TMEM196: variants seen among roughly 807,000 people sequenced by gnomAD.
The protein encoded by TMEM196 is transmembrane protein 196.
TMEM196 carries 17 observed loss-of-function variants against 20.0 expected under a neutral mutation model. The observed-to-expected ratio is 0.85, with a 90% CI of 0.58 to 1.27. The LOEUF is 1.27. TMEM196 is among the 50% of genes most tolerant of loss of function. TMEM196 has a pLI of 0.00. For synonymous variants in TMEM196, 113 were observed against 88.9 expected (o/e 1.27, Z -1.52); for missense variants, 267 against 223.0 (o/e 1.20, Z -1.26).
At chr7:19,727,666 G>T (rs1255885155) in intron 2 of TMEM196, among the ~76,000 whole-genome samples, 1 of 152,096 alleles carries the variant, frequency 6.6e-6, no homozygotes, top group Admixed American at 6.5e-5. Context: ...AATACGGAAA[G>T]ATATTAAAAT....
chr7:19,772,519 T>C, intron 1 of TMEM196, 31 bp downstream of exon 1: 2 of 1,508,258 alleles, frequency 1.3e-6, no homozygotes, highest in Admixed American at 2.2e-5. Flanking sequence ...GAGAGTGAAA[T>C]GGCTCAACGT....
Position 19,746,167 on chromosome 7 carries a change from T to C in TMEM196, c.148-16729A>G, listed in dbSNP as rs73274067. 3.2e-3 allele frequency among the ~76,000 whole-genome samples: 485 copies of C among 152,298 alleles called. 3 individuals carry two copies. The highest frequency in any genetic ancestry group is 0.011 in the African/African-American group (474 of 41,554). ...CTCCAAGAACAATGGAAAGGAGTTA[T>C]ATAGAGGAAGACTTTAACCGATCAT... On this transcript the variant is annotated intron_variant, in intron 1 of 4. Coordinates refer to ENST00000405844, the MANE Select transcript of TMEM196 (RefSeq NM_001363562.2).
chr7:19,736,933 A>C (rs2128020950), intron 1 of TMEM196, among the ~76,000 whole-genome samples: 1 of 152,060 alleles, frequency 6.6e-6, no homozygotes. Context: ...AATTTTTTTC[A>C]AACTTTCTGT....
chr7:19,769,201 G>A (rs745747002), intron 1 of TMEM196, among the ~76,000 whole-genome samples: 6 of 151,910 alleles, frequency 3.9e-5, no homozygotes, highest in Non-Finnish European at 5.9e-5. Flanking sequence ...ATCTTATTTG[G>A]CATTTATAAA....
At chr7:19,746,377 G>C (rs142423815) in intron 1 of TMEM196, among the ~76,000 whole-genome samples, 156 of 152,274 alleles carry the variant, frequency 1.0e-3, no homozygotes, top group African/African-American at 3.5e-3. Flanking sequence ...GAAATATACC[G>C]ACTCTCTTTT....
chr7:19,771,140 C>A (rs1381031002), intron 1 of TMEM196, among the ~76,000 whole-genome samples: 2 of 152,120 alleles, frequency 1.3e-5, no homozygotes, highest in Non-Finnish European at 2.9e-5. Flanking sequence ...TACAACTCTC[C>A]AAATAATTAC....
In TMEM196 at chr7:19,725,775, A is replaced by G; in HGVS notation, c.205-7T>C. 1.3e-6 allele frequency: 2 copies of G among 1,582,000 alleles called. No homozygotes were observed. Among genetic ancestry groups the G allele is most frequent in the Non-Finnish European group, 1.7e-6 (2 of 1,159,354 alleles). ...AGGCTGAAAAGAGGATCATCTGATA[A>G]GAAAAAGAAAGGCAGCGTTAAAGTT... On this transcript the variant is annotated splice_region_variant and splice_polypyrimidine_tract_variant and intron_variant, in intron 2 of 4. Transcript: ENST00000405844.
In TMEM196 at chr7:19,725,642, C is replaced by T. The variant is rs772343564; in HGVS notation, c.331G>A (p.Ala111Thr). 12 of 1,613,926 alleles carry T rather than the reference C, an allele frequency of 7.4e-6. No homozygotes were observed. The highest frequency in any genetic ancestry group is 5.0e-5 in the Admixed American group (3 of 59,982). The change falls in exon 3 of 5, where the codon GCG becomes ACG. Residue 111 changes from alanine (A) to threonine (T), a missense_variant. Ala to Thr is a moderately conservative substitution (Grantham distance 58). Transcript: ENST00000405844. ...GTGCAGCCCCCGATCCCAATGCACG[C>T]GAGAGACATGGAGGCAAGGTGCAGT... ...YPLHLASMSLACIGIGGCTLS... is the reference protein window; with the variant it reads ...YPLHLASMSLTCIGIGGCTLS...
At chr7:19,769,014 G>GTC (rs983145805) in intron 1 of TMEM196, among the ~76,000 whole-genome samples, 3 of 152,030 alleles carry the variant, frequency 2.0e-5, no homozygotes, top group Non-Finnish European at 4.4e-5. Flanking sequence ...TGATTTTAGG[G>GTC]TCTCTCTATA....
intron 1 of TMEM196, among the ~76,000 whole-genome samples, chr7:19,730,864 T>C (rs1226460954): frequency 6.6e-6 from 1 of 152,186 alleles, no homozygotes; most frequent in Admixed American, 6.5e-5. Context: ...AAGAATTTGG[T>C]ATATAATTTA....
intron 1 of TMEM196, among the ~76,000 whole-genome samples, chr7:19,755,832 C>A (rs914071364): frequency 6.6e-6 from 1 of 152,102 alleles, no homozygotes; most frequent in Non-Finnish European, 1.5e-5. Flanking sequence ...AGTTTGAGAC[C>A]AGCCTGGCCC....
In TMEM196 at chr7:19,721,045, A is replaced by G. The variant is rs914102128; in HGVS notation, c.*1083T>C. On this transcript the variant is annotated 3_prime_UTR_variant, in exon 5 of 5. Transcript: ENST00000405844. ...ATACATAAATACTATAATCATAGTGAAATAGTCAAATAAGTAGTCTATCTG... is the reference window on the plus strand; with the variant it reads ...ATACATAAATACTATAATCATAGTGGAATAGTCAAATAAGTAGTCTATCTG... 2 of 151,910 alleles carry G rather than the reference A, an allele frequency of 1.3e-5. No homozygotes were observed. The highest frequency in any genetic ancestry group is 4.8e-5 in the African/African-American group (2 of 41,432). The allele number at this position is 151,910 out of a possible 1,614,324, so 9.4% of individuals were successfully genotyped here. A position where few individuals can be genotyped will look rare whatever the true frequency, so the allele number is the denominator to read the frequency against.
At chr7:19,762,638 G>T (rs996294167) in intron 1 of TMEM196, among the ~76,000 whole-genome samples, 1 of 151,952 alleles carries the variant, frequency 6.6e-6, no homozygotes, top group Non-Finnish European at 1.5e-5. Context: ...TATAGCTTAG[G>T]ACAACATTCA....
At chr7:19,772,348 C>G (rs1785917288) in intron 1 of TMEM196, among the ~76,000 whole-genome samples, 1 of 131,264 alleles carries the variant, frequency 7.6e-6, no homozygotes, top group Non-Finnish European at 1.6e-5. Flanking sequence ...AGAAACAAAA[C>G]AAAACAAAAC....
At chr7:19,728,253 C>G (rs1461609582) in intron 2 of TMEM196, among the ~76,000 whole-genome samples, 1 of 151,334 alleles carries the variant, frequency 6.6e-6, no homozygotes, top group African/African-American at 2.4e-5. Context: ...TGCTTGTTTA[C>G]TTGCTTTCTC....
chr7:19,769,261 A>G (rs1193630948), intron 1 of TMEM196, among the ~76,000 whole-genome samples: 2 of 152,112 alleles, frequency 1.3e-5, no homozygotes, highest in African/African-American at 4.8e-5. Context: ...ATAATTTTCT[A>G]TCTAGCTTTC....
At chr7:19,726,532 C>T (rs532640004) in intron 2 of TMEM196, among the ~76,000 whole-genome samples, 2 of 151,846 alleles carry the variant, frequency 1.3e-5, no homozygotes, top group Admixed American at 6.6e-5. Flanking sequence ...ATACAATAGG[C>T]GTTCCAAAAA....
At chr7:19,745,582 C>G (rs891446569) in intron 1 of TMEM196, among the ~76,000 whole-genome samples, 3 of 151,552 alleles carry the variant, frequency 2.0e-5, no homozygotes, top group Non-Finnish European at 4.4e-5. Flanking sequence ...AAATTTATTT[C>G]CATTTATCTA....
At chr7:19,753,587 A>G (rs1036957004) in intron 1 of TMEM196, among the ~76,000 whole-genome samples, 2 of 152,140 alleles carry the variant, frequency 1.3e-5, no homozygotes, top group East Asian at 1.9e-4. Flanking sequence ...CTTAATTTTA[A>G]TATTAAAGGC....
Sources: allele counts gnomAD v4.1 joint callset (sites outside exome capture counted in the v4.1 genomes callset), GRCh38; gene constraint gnomAD v4.1.1; transcripts MANE v1.5; gene names NCBI Gene and HGNC (gene_info 2026-07-23, HGNC 2026-07-21).